Variants in IDNK observed in about 807,000 individuals in gnomAD.
The protein encoded by IDNK is IDNK gluconokinase.
In IDNK, 9 loss-of-function variants were observed where a neutral mutation model predicts 13.0. The observed-to-expected ratio is 0.69, with a 90% confidence interval of 0.42 to 1.21. IDNK has a LOEUF of 1.21. Among genes scored for constraint, IDNK ranks in the 50% most tolerant of loss-of-function variants. IDNK has a pLI of 0.00. For missense variants in IDNK, 210 were observed against 237.8 expected (o/e 0.88, Z 0.77); for synonymous variants, 92 against 94.9 (o/e 0.97, Z 0.18).
chr9:83,626,536 C>A, intron 1 of IDNK: 1 of 434,976 alleles, frequency 2.3e-6, no homozygotes, highest in South Asian at 1.7e-5. Context: ...CATGCCTCAG[C>A]CTCCGGAGTA....
At chr9:83,642,624 TA>T (rs1831343016) in intron 4 of IDNK, among the ~76,000 whole-genome samples, 1 of 150,996 alleles carries the variant, frequency 6.6e-6, no homozygotes, top group Admixed American at 6.6e-5. Flanking sequence ...GAGAACTTTA[TA>T]CTGGATCCCC....
At chr9:83,643,062 C>T (rs1229951291) in intron 4 of IDNK, among the ~76,000 whole-genome samples, 1 of 152,334 alleles carries the variant, frequency 6.6e-6, no homozygotes, top group South Asian at 2.1e-4. Context: ...TGTGTCCACA[C>T]ACTGCGACAG....
chr9:83,643,724 G>A lies in IDNK; in HGVS notation c.508G>A (p.Asp170Asn), dbSNP rs753634538. The A allele has an allele frequency of 3.7e-6, 6 of 1,612,830 alleles. No homozygotes were observed. The highest frequency in any genetic ancestry group is 3.4e-5 in the Admixed American group (2 of 59,682). Residue 170 changes from aspartate (D) to asparagine (N), a missense_variant, in exon 5 of 5, where the codon GAC becomes AAC. Coordinates refer to ENST00000376419, the MANE Select transcript of IDNK (RefSeq NM_001001551.4). Reference protein sequence around the residue: ...APENFIQISVDKNVSEIIATI... With the variant: ...APENFIQISVNKNVSEIIATI... Reference sequence around the variant, plus strand: ...AGAAAACTTTATCCAAATAAGTGTGGACAAAAATGTTTCAGAGATAATTGC... The same window carrying A: ...AGAAAACTTTATCCAAATAAGTGTGAACAAAAATGTTTCAGAGATAATTGC...
chr9:83,628,751 T>C, intron 2 of IDNK, 122 bp from the exon 3 acceptor site: 1 of 709,172 alleles, frequency 1.4e-6, no homozygotes, highest in Non-Finnish European at 2.5e-6. Context: ...GGGGTTGTCC[T>C]TGGGGTTGAT....
chr9:83,628,293 T>C (rs2131620102), intron 2 of IDNK, 82 bp downstream of exon 2: 1 of 1,211,988 alleles, frequency 8.3e-7, no homozygotes, highest in South Asian at 1.3e-5. Context: ...TTTTCTGCTT[T>C]GTACAGACAC....
chr9:83,638,624 G>A (rs918404483), intron 3 of IDNK, among the ~76,000 whole-genome samples: 7 of 152,202 alleles, frequency 4.6e-5, no homozygotes, highest in Admixed American at 2.0e-4. Flanking sequence ...CAAAGACAAA[G>A]AGGCTTTTTC....
At chr9:83,626,635 C>T (rs1830858926) in intron 1 of IDNK, 1 of 1,088,662 alleles carries the variant, frequency 9.2e-7, no homozygotes, top group Admixed American at 2.4e-5. Flanking sequence ...CGAGCTAGTC[C>T]CGAACTCCTG....
At chr9:83,627,869 AAAAAAAAAAT>A (rs1459901901) in intron 1 of IDNK, 187 of 293,320 alleles carry the variant, frequency 6.4e-4, no homozygotes, top group Non-Finnish European at 8.0e-4. Flanking sequence ...AAAAAAAAAA[AAAAAAAAAAT>A]TACACAACAG....
chr9:83,637,098 T>G (rs2131631778), intron 3 of IDNK, among the ~76,000 whole-genome samples: 1 of 152,378 alleles, frequency 6.6e-6, no homozygotes, highest in East Asian at 1.9e-4. Flanking sequence ...TTTATGTTAA[T>G]TATGTAGCTA....
intron 3 of IDNK, among the ~76,000 whole-genome samples, chr9:83,636,898 T>C (rs529330342): frequency 2.6e-5 from 4 of 152,250 alleles, no homozygotes; most frequent in Non-Finnish European, 5.9e-5. Context: ...TTTATAAAAA[T>C]TGACCATGTG....
At position 83,644,064 on chromosome 9, in the gene IDNK, ATTG is replaced by A; in HGVS notation, c.*287_*289del. 2.9e-6 allele frequency: 1 copy of A among 349,268 alleles called. No individual in the cohort carries two copies. The highest frequency in any genetic ancestry group is 5.3e-6 in the Non-Finnish European group (1 of 186,958). 21.6% of individuals were successfully genotyped at this position (349,268 alleles called of 1,614,324 possible). A position where few individuals can be genotyped will look rare whatever the true frequency, so the allele number is the denominator to read the frequency against. The stretch of plus-strand genomic sequence containing the variant: ...TGTAATCAATGCTGGAAATCGTTAC[ATTG>A]TTTAGAACATTCTTGCTCATGCCTG... On this transcript the variant is annotated 3_prime_UTR_variant, in exon 5 of 5. Transcript: ENST00000376419.
At chr9:83,629,156 A>G (rs1830944590) in intron 3 of IDNK, among the ~76,000 whole-genome samples, 197 bp downstream of exon 3, 1 of 152,164 alleles carries the variant, frequency 6.6e-6, no homozygotes, top group Non-Finnish European at 1.5e-5. Flanking sequence ...CCCAGGAACA[A>G]TGCCACCCTC....
At chr9:83,628,129 G>T (rs1323042636) in intron 1 of IDNK, 52 bp from the exon 2 acceptor site, 12 of 1,549,798 alleles carry the variant, frequency 7.7e-6, no homozygotes, top group Non-Finnish European at 9.6e-6. Context: ...ACAGAAGGAA[G>T]CTCCACACAT....
chr9:83,641,215 G>A (rs73474399), intron 3 of IDNK, among the ~76,000 whole-genome samples: 1,827 of 152,264 alleles, frequency 0.012, 34 homozygotes, highest in African/African-American at 0.039. Context: ...TGAGATCAGA[G>A]ATACCTAAAG....
intron 2 of IDNK, 83 bp from the exon 3 acceptor site, chr9:83,628,790 C>A: frequency 1.0e-6 from 1 of 969,998 alleles, no homozygotes; most frequent in Non-Finnish European, 1.7e-6. Context: ...ATTGTTTCTA[C>A]ACCTGCCTGT....
Position 83,628,859 on chromosome 9 carries a change from C to T in IDNK, c.82-14C>T. 13 of 1,605,080 alleles carry T rather than the reference C, an allele frequency of 8.1e-6. No individual in the cohort carries two copies. Among genetic ancestry groups the T allele is most frequent in the Non-Finnish European group, 1.1e-5 (13 of 1,171,824 alleles). On this transcript the variant is annotated splice_polypyrimidine_tract_variant and intron_variant, in intron 2 of 4. Coordinates refer to ENST00000376419, the MANE Select transcript of IDNK (RefSeq NM_001001551.4). Reference sequence around the variant, plus strand: ...TCTGCCTGCCACATACACCCTTTCACTTTGTTCTTAAAGCTGGGATGGAAA... The same window carrying T: ...TCTGCCTGCCACATACACCCTTTCATTTTGTTCTTAAAGCTGGGATGGAAA...
In IDNK at chr9:83,625,005, G is replaced by A. The variant is rs191716421; in HGVS notation, c.50+1784G>A. ...GCAGGGATTACAGGCGTGAGCCACC[G>A]CGCCCAGCTAAGGCTTGGCTTCTTT... On this transcript the variant is annotated intron_variant, in intron 1 of 4. Coordinates refer to ENST00000376419, the MANE Select transcript of IDNK (RefSeq NM_001001551.4). Among the ~76,000 whole-genome samples the A allele has an allele frequency of 6.8e-4, 103 of 151,156 alleles. 1 individual carries two copies. The South Asian group carries it at 0.015, about 22-fold the overall frequency.
intron 4 of IDNK, among the ~76,000 whole-genome samples, chr9:83,642,162 C>G (rs139452517): frequency 3.0e-4 from 45 of 152,240 alleles, no homozygotes; most frequent in African/African-American, 1.0e-3. Context: ...AGGGTCCCCC[C>G]CCAACAGCAC....
intron 3 of IDNK, among the ~76,000 whole-genome samples, chr9:83,639,879 G>A (rs1831257458): frequency 6.6e-6 from 1 of 152,204 alleles, no homozygotes; most frequent in Non-Finnish European, 1.5e-5. Flanking sequence ...TGACTATCTT[G>A]TACAGCAAGT....
Sources: gnomAD v4.1 joint callset for allele counts (sites outside exome capture counted in the v4.1 genomes callset) on GRCh38, gnomAD v4.1.1 for gene constraint, MANE v1.5 for transcripts, NCBI Gene and HGNC (gene_info 2026-07-23, HGNC 2026-07-21) for gene names.